Variants in ZNF726 observed in about 807,000 individuals in gnomAD.
ZNF726 encodes zinc finger protein 92 pseudogene 3.
Under a neutral mutation model 11.6 loss-of-function variants are expected in ZNF726, and 15 were observed. The ratio of observed to expected loss-of-function variants is 1.29; its 90% CI spans 0.86 to 1.99. The LOEUF (loss-of-function observed/expected upper bound fraction) is 1.99, where lower values mean the gene tolerates loss of function less well. Among genes scored for constraint, ZNF726 ranks in the 30% most tolerant of loss-of-function variants. The pLI, the probability that ZNF726 is intolerant of heterozygous loss-of-function variation, is 0.00. For synonymous variants in ZNF726, 295 were observed against 243.6 expected, an observed-to-expected ratio of 1.21 and a Z score of -1.96; for missense variants, 890 against 725.6, an observed-to-expected ratio of 1.23 and a Z score of -2.60.
downstream of ZNF726, chr19:23,935,670 T>C: frequency 3.4e-6 from 1 of 293,748 alleles, no homozygotes; most frequent in South Asian, 3.4e-5. Flanking sequence ...TTGCACTTCA[T>C]TGTATGTAAG....
At chr19:23,939,470 A>G (rs564319583), downstream of ZNF726, among the ~76,000 whole-genome samples, 2 of 152,122 alleles carry the variant, frequency 1.3e-5, no homozygotes, top group East Asian at 1.9e-4. Context: ...ATTTGGGTTT[A>G]TTTCTGGGTT....
chr19:23,920,205 T>A, intron 3 of ZNF726, 123 bp downstream of exon 3: 1 of 600,566 alleles, frequency 1.7e-6, no homozygotes, highest in Non-Finnish European at 2.7e-6. Flanking sequence ...AAGCCTGAAA[T>A]TTAAAAAAAA....
rs565716828 is a variant in ZNF726, at chr19:23,929,856, T to C, written c.227-2487T>C. 7.9e-5 allele frequency among the ~76,000 whole-genome samples: 12 copies of C among 152,334 alleles called. No individual in the cohort carries two copies. The East Asian group carries it at 2.3e-3, about 29-fold the overall frequency. ...AGAGTTATATGCATCATCATTATAA[T>C]AGTAAAAATTTCTATATTTGTATAT... On this transcript the variant is annotated intron_variant, in intron 3 of 3. Coordinates refer to ENST00000594466, the MANE Select transcript of ZNF726 (RefSeq NM_001244038.2).
chr19:23,927,478 G>T (rs1017942561), intron 3 of ZNF726, among the ~76,000 whole-genome samples: 4 of 151,892 alleles, frequency 2.6e-5, no homozygotes, highest in Non-Finnish European at 5.9e-5. Context: ...AAATTTATTT[G>T]TTATTGTTGT....
intron 3 of ZNF726, among the ~76,000 whole-genome samples, chr19:23,924,297 G>A (rs896508460): frequency 6.6e-6 from 1 of 151,004 alleles, no homozygotes; most frequent in Non-Finnish European, 1.5e-5. Flanking sequence ...CAGTTGAAAT[G>A]CCCACCTTGG....
At chr19:23,915,059 G>A in intron 1 of ZNF726, 62 bp downstream of exon 1, 1 of 1,612,604 alleles carries the variant, frequency 6.2e-7, no homozygotes, top group Non-Finnish European at 8.5e-7. Context: ...CCGGTGGGAA[G>A]CGGCAGTGGC....
At chr19:23,923,409 A>ATTTTTT (rs567346496) in intron 3 of ZNF726, 4 of 334,500 alleles carry the variant, frequency 1.2e-5, no homozygotes, top group Non-Finnish European at 1.7e-5. Flanking sequence ...GATGCCAGTA[A>ATTTTTT]TTTTTTTTTT....
intron 3 of ZNF726, 116 bp from the exon 4 acceptor site, chr19:23,932,227 T>A: frequency 1.4e-6 from 1 of 703,738 alleles, no homozygotes; most frequent in Admixed American, 3.9e-5. Flanking sequence ...TTAGGGTCTG[T>A]GGTATTTTGC....
At chr19:23,925,785 C>T (rs368859491) in intron 3 of ZNF726, among the ~76,000 whole-genome samples, 78 of 138,000 alleles carry the variant, frequency 5.7e-4, no homozygotes, top group African/African-American at 1.9e-3. Context: ...GGTGAGATCT[C>T]GGCTCCCTGC....
Position 23,933,023 on chromosome 19 carries a change from C to A in ZNF726, c.907C>A (p.His303Asn). 6.2e-7 allele frequency: 1 copy of A among 1,613,164 alleles called. No individual in the cohort carries two copies. Among genetic ancestry groups the A allele is most frequent in the Non-Finnish European group, 8.5e-7 (1 of 1,179,912 alleles). The change falls in exon 4 of 4, where the codon CAT becomes AAT. Residue 303 changes from histidine (H) to asparagine (N), a missense_variant. His to Asn is a moderately conservative substitution (Grantham distance 68). Transcript: ENST00000594466. ...AFSQPSALTI[H>N]KRMHIGEKPY... ...TAGCCAACCCTCAGCACTAACCATACATAAGAGGATGCACATTGGAGAGAA... is the reference window on the plus strand; with the variant it reads ...TAGCCAACCCTCAGCACTAACCATAAATAAGAGGATGCACATTGGAGAGAA...
downstream of ZNF726, among the ~76,000 whole-genome samples, chr19:23,938,727 C>A (rs1391593199): frequency 6.6e-6 from 1 of 151,444 alleles, no homozygotes; most frequent in Non-Finnish European, 1.5e-5. Context: ...CCTGCCTCAG[C>A]CTCCCAAGTA....
downstream of ZNF726, chr19:23,935,374 C>G (rs1691960782): frequency 3.8e-6 from 2 of 526,842 alleles, no homozygotes; most frequent in Admixed American, 3.9e-5. Context: ...GGACAGCAAC[C>G]CTACAAATGG....
At chr19:23,938,934 T>C (rs1470857451), downstream of ZNF726, among the ~76,000 whole-genome samples, 5 of 152,134 alleles carry the variant, frequency 3.3e-5, no homozygotes, top group African/African-American at 1.2e-4. Flanking sequence ...GAAATATTCA[T>C]TATGTGAGCT....
intron 3 of ZNF726, chr19:23,923,893 T>C (rs1231318313): frequency 6.6e-6 from 1 of 152,626 alleles, no homozygotes; most frequent in Non-Finnish European, 1.5e-5. Context: ...TTCTTATATA[T>C]TATGTTTTGT....
chr19:23,934,169 A>C lies in ZNF726; in HGVS notation c.*202A>C. On this transcript the variant is annotated 3_prime_UTR_variant, in exon 4 of 4. Coordinates refer to ENST00000594466, the MANE Select transcript of ZNF726 (RefSeq NM_001244038.2). ...TGTGAAGAATGTGGGAAAGCTTTTA[A>C]TCATTCTCAAATCTTACTACACATA... 1.2e-6 allele frequency: 1 copy of C among 845,566 alleles called. No homozygotes were observed. The highest frequency in any genetic ancestry group is 2.0e-6 in the Non-Finnish European group (1 of 497,582). 52.4% of individuals were successfully genotyped at this position (845,566 alleles called of 1,614,324 possible). A position where few individuals can be genotyped will look rare whatever the true frequency, so the allele number is the denominator to read the frequency against.
chr19:23,939,309 T>G (rs1277704348), downstream of ZNF726, among the ~76,000 whole-genome samples: 1 of 152,188 alleles, frequency 6.6e-6, no homozygotes, highest in East Asian at 1.9e-4. Flanking sequence ...TTTCTTTTTG[T>G]GGTGAGTAGT....
At chr19:23,943,326 A>G (rs1192347810) in intron 3 of ZNF726, among the ~76,000 whole-genome samples, 2 of 152,248 alleles carry the variant, frequency 1.3e-5, no homozygotes, top group Admixed American at 1.3e-4. Flanking sequence ...AGAGCTACAG[A>G]CCCAGAAATG....
chr19:23,915,120 G>C (rs1327139094), intron 1 of ZNF726, 123 bp downstream of exon 1: 2 of 1,435,400 alleles, frequency 1.4e-6, no homozygotes, highest in Non-Finnish European at 1.9e-6. Context: ...CCGAGTTGTT[G>C]CCCAGCTCGG....
chr19:23,920,254 T>TA, intron 3 of ZNF726, 172 bp downstream of exon 3: 1 of 389,984 alleles, frequency 2.6e-6, no homozygotes, highest in Middle Eastern at 3.6e-4. Flanking sequence ...CTTATGCTTA[T>TA]AAAATCTCTA....
Sources: gnomAD v4.1 joint callset for allele counts (sites outside exome capture counted in the v4.1 genomes callset) on GRCh38, gnomAD v4.1.1 for gene constraint, MANE v1.5 for transcripts, NCBI Gene and HGNC (gene_info 2026-07-23, HGNC 2026-07-21) for gene names.